RIC3: variants seen among roughly 807,000 people sequenced by gnomAD.
RIC3 encodes RIC3 acetylcholine receptor chaperone, also known as protein RIC-3.
RIC3 carries 28 observed loss-of-function variants against 27.3 expected under a neutral mutation model. The ratio of observed to expected loss-of-function variants is 1.02; its 90% CI spans 0.76 to 1.41. The LOEUF is 1.41. Among genes scored for constraint, RIC3 ranks in the 40% most tolerant of loss-of-function variants. RIC3 has a pLI of 0.00. For synonymous variants in RIC3, 184 were observed against 160.4 expected, an observed-to-expected ratio of 1.15 and a Z score of -1.11; for missense variants, 501 against 444.7, an observed-to-expected ratio of 1.13 and a Z score of -1.14.
chr11:8,147,838 C>T (rs1949860942), intron 1 of RIC3, among the ~76,000 whole-genome samples: 1 of 151,548 alleles, frequency 6.6e-6, no homozygotes. Context: ...AGTGATTCTC[C>T]TGCCTCAGCC....
chr11:8,132,812 A>C (rs2133773645), intron 4 of RIC3, among the ~76,000 whole-genome samples: 1 of 152,324 alleles, frequency 6.6e-6, no homozygotes, highest in Admixed American at 6.5e-5. Context: ...ATGTGATACA[A>C]TTTTGATCTG....
chr11:8,093,967 G>T, the RIC3 span: 1 of 1,570,270 alleles, frequency 6.4e-7, no homozygotes. Flanking sequence ...TGCTGTGCTG[G>T]GGACTGTGTT....
rs771002922 is a variant in RIC3, at chr11:8,168,865, C to G, written c.124+1G>C. On this transcript the variant is annotated splice_donor_variant, in intron 1 of 5. Coordinates refer to ENST00000309737, the MANE Select transcript of RIC3 (RefSeq NM_001206671.4). LOFTEE classifies it high-confidence loss of function. ...CTCAGAGGGAGCTGGCCTGCTCTTA[C>G]CTTCAGGTGTCGGCGGCGGCTCCTG... is the stretch of plus-strand genomic sequence containing the variant. 1.2e-6 allele frequency: 2 copies of G among 1,611,574 alleles called. No individual in the cohort carries two copies. Among genetic ancestry groups the G allele is most frequent in the Non-Finnish European group, 1.7e-6 (2 of 1,178,750 alleles).
Position 8,110,347 on chromosome 11 carries a change from A to G in RIC3, c.*351T>C. 1 of 383,772 alleles carries G rather than the reference A, an allele frequency of 2.6e-6. No homozygotes were observed. The highest frequency in any genetic ancestry group is 5.0e-6 in the Non-Finnish European group (1 of 201,418). 23.8% of individuals were successfully genotyped at this position (383,772 alleles called of 1,614,324 possible). A position where few individuals can be genotyped will look rare whatever the true frequency, so the allele number is the denominator to read the frequency against. ...CATCTGTAAGCTGATGTTCGTTCACAGGTGAACTATCTGTTACACCTACCA... is the reference window on the plus strand; with the variant it reads ...CATCTGTAAGCTGATGTTCGTTCACGGGTGAACTATCTGTTACACCTACCA... On this transcript the variant is annotated 3_prime_UTR_variant, in exon 6 of 6. Transcript: ENST00000309737.
At chr11:8,093,007 A>G in the RIC3 span, among the ~76,000 whole-genome samples, 1 of 152,112 alleles carries the variant, frequency 6.6e-6, no homozygotes, top group Non-Finnish European at 1.5e-5. Flanking sequence ...CAGGCTCTGG[A>G]TTAGAGGCTG....
intron 5 of RIC3, among the ~76,000 whole-genome samples, chr11:8,114,330 G>A (rs534828072): frequency 1.2e-3 from 181 of 152,290 alleles, no homozygotes; most frequent in African/African-American, 4.1e-3. Context: ...ACGGCCGGGC[G>A]TGATGGCTCA....
the RIC3 span, chr11:8,095,676 T>TG: frequency 6.3e-7 from 1 of 1,584,876 alleles, no homozygotes; most frequent in Non-Finnish European, 8.6e-7. Flanking sequence ...GTGAGCCCCA[T>TG]GGGGACCCAG....
chr11:8,117,993 C>T (rs181568456), intron 5 of RIC3, among the ~76,000 whole-genome samples: 7,238 of 151,736 alleles, frequency 0.048, 267 homozygotes, highest in African/African-American at 0.1. Context: ...GAGGCCGAGG[C>T]GGGCAGATCA....
At chr11:8,127,381 A>T (rs1000142840) in intron 4 of RIC3, among the ~76,000 whole-genome samples, 1 of 152,202 alleles carries the variant, frequency 6.6e-6, no homozygotes, top group South Asian at 2.1e-4. Context: ...ACTGGGGTCC[A>T]CAGAGGAGAA....
At chr11:8,117,124 A>G (rs1299248985) in intron 5 of RIC3, among the ~76,000 whole-genome samples, 1 of 152,172 alleles carries the variant, frequency 6.6e-6, no homozygotes, top group African/African-American at 2.4e-5. Flanking sequence ...GCTGGAGTGC[A>G]GTGGCACAAT....
intron 1 of RIC3, among the ~76,000 whole-genome samples, chr11:8,141,005 C>A (rs1159257001): frequency 2.0e-5 from 3 of 149,288 alleles, no homozygotes; most frequent in Non-Finnish European, 4.4e-5. Context: ...ACCACCAGGC[C>A]TGCCCTAAAA....
rs756227834 is a variant in RIC3 at position 8,126,863 on chromosome 11, C to T, written c.522-56G>A. The T allele has an allele frequency of 2.3e-5, 37 of 1,597,868 alleles. No homozygotes were observed. In the East Asian group the frequency reaches 3.8e-4, roughly 16 times the overall value. Reference sequence around the variant, plus strand: ...GTGGTAAATACTCCTAGGCAATGGACGTAAACATCACTATGGTCTGTCTGG... The same window carrying T: ...GTGGTAAATACTCCTAGGCAATGGATGTAAACATCACTATGGTCTGTCTGG... On this transcript the variant is annotated intron_variant, in intron 4 of 5. Transcript: ENST00000309737.
chr11:8,095,490 G>A, the RIC3 span: 3 of 1,604,974 alleles, frequency 1.9e-6, no homozygotes, highest in Middle Eastern at 1.9e-4. Context: ...CGTGTCCGTG[G>A]CCTGCAGGCA....
At chr11:8,097,898 T>C in the RIC3 span, 1 of 1,149,068 alleles carries the variant, frequency 8.7e-7, no homozygotes, top group Non-Finnish European at 1.3e-6. Context: ...GTAGAGGGCC[T>C]GAATCTTCCT....
At chr11:8,093,089 T>C in the RIC3 span, among the ~76,000 whole-genome samples, 2 of 152,084 alleles carry the variant, frequency 1.3e-5, no homozygotes, top group Non-Finnish European at 2.9e-5. Flanking sequence ...GGAGAGACAA[T>C]GTTAAACAGA....
At chr11:8,093,765 T>G in the RIC3 span, among the ~76,000 whole-genome samples, 1 of 152,184 alleles carries the variant, frequency 6.6e-6, no homozygotes, top group African/African-American at 2.4e-5. Flanking sequence ...CCAGAACTTT[T>G]GAGTGCGCAC....
At chr11:8,143,775 A>G (rs1181678554) in intron 1 of RIC3, among the ~76,000 whole-genome samples, 2 of 152,160 alleles carry the variant, frequency 1.3e-5, no homozygotes, top group South Asian at 2.1e-4. Flanking sequence ...CTGACTTCAA[A>G]CTATACTACA....
intron 1 of RIC3, among the ~76,000 whole-genome samples, chr11:8,146,004 A>G (rs939103821): frequency 7.2e-5 from 11 of 152,212 alleles, no homozygotes; most frequent in African/African-American, 2.4e-4. Flanking sequence ...TACACACCCT[A>G]TGATCCAATG....
At chr11:8,151,910 C>T (rs1356211262) in intron 1 of RIC3, among the ~76,000 whole-genome samples, 6 of 144,864 alleles carry the variant, frequency 4.1e-5, no homozygotes, top group East Asian at 2.0e-4. Flanking sequence ...AAGTGAGACT[C>T]GGTCTCAAAA....
Sources: allele counts gnomAD v4.1 joint callset (sites outside exome capture counted in the v4.1 genomes callset), GRCh38; gene constraint gnomAD v4.1.1; transcripts MANE v1.5; gene names NCBI Gene and HGNC (gene_info 2026-07-23, HGNC 2026-07-21).